Variants in PKNOX1 observed in about 807,000 individuals in gnomAD.
The protein encoded by PKNOX1 is homeobox protein PKNOX1.
PKNOX1 carries 15 observed loss-of-function variants against 51.9 expected under a neutral mutation model. The ratio of observed to expected loss-of-function variants is 0.29; its 90% CI spans 0.19 to 0.45. PKNOX1 has a LOEUF of 0.45. Ranked by LOEUF, PKNOX1 falls within the 20% of genes least tolerant of loss-of-function variation. The pLI, the probability that PKNOX1 is intolerant of heterozygous loss-of-function variation, is 1.00. For synonymous variants in PKNOX1, 219 were observed against 211.1 expected (o/e 1.04, Z -0.32); for missense variants, 462 against 547.5 (o/e 0.84, Z 1.56).
chr21:43,023,583 T>C (rs779504669), intron 8 of PKNOX1, among the ~76,000 whole-genome samples: 1 of 152,204 alleles, frequency 6.6e-6, no homozygotes, highest in South Asian at 2.1e-4. Context: ...CTAGAAATCA[T>C]TTTCGGTTGG....
At position 43,032,980 on chromosome 21, in the gene PKNOX1, A is replaced by AC. The variant is rs111813527; in HGVS notation, c.*2884dup. ...AGTGGAGAGAATCTGTAAAAGTGTG[A>AC]CCCCCTCTAAGATTTCGTTTTAAAT... On this transcript the variant is annotated 3_prime_UTR_variant, in exon 11 of 11. Coordinates refer to ENST00000291547, the MANE Select transcript of PKNOX1 (RefSeq NM_004571.5). 79 of 152,006 alleles carry AC rather than the reference A, an allele frequency of 5.2e-4. No homozygotes were observed. Among genetic ancestry groups the AC allele is most frequent in the African/African-American group, 1.8e-3 (75 of 41,460 alleles). 9.4% of individuals were successfully genotyped at this position (152,006 alleles called of 1,614,324 possible).
intron 1 of PKNOX1, 25 bp downstream of exon 1, chr21:42,974,689 C>CCGCCGCCGCCGCCGCTCT (rs1243655862): frequency 2.4e-5 from 4 of 166,208 alleles, no homozygotes; most frequent in African/African-American, 4.8e-5. Context: ...AACCGCTCCG[C>CCGCCGCCGCCGCCGCTCT]CGCCGCCGCC....
At chr21:42,987,301 G>C (rs1328587530) in intron 1 of PKNOX1, among the ~76,000 whole-genome samples, 2 of 145,276 alleles carry the variant, frequency 1.4e-5, no homozygotes, top group Admixed American at 7.1e-5. Flanking sequence ...AGAATCGCTT[G>C]AACCTGGGAG....
Position 43,010,081 on chromosome 21 carries a change from T to C in PKNOX1, c.208T>C (p.Leu70=), listed in dbSNP as rs201874498. 1.5e-5 allele frequency: 24 copies of C among 1,572,358 alleles called. No homozygotes were observed. The South Asian group carries it at 2.3e-4, about 15-fold the overall frequency. Residue 70 remains leucine (L), a synonymous_variant, in exon 4 of 11, where the codon TTG becomes CTG. Transcript: ENST00000291547. ...TCCACTATTTCCATTATTAGCTTTG[T>C]TGTTTGAAAAATGTGAACAATCTAC... ...RHPLFPLLAL[L]FEKCEQSTQG...
chr21:42,997,809 A>C (rs993054017), intron 1 of PKNOX1, among the ~76,000 whole-genome samples: 2 of 152,220 alleles, frequency 1.3e-5, no homozygotes, highest in Admixed American at 6.5e-5. Flanking sequence ...GGGCAGAACT[A>C]TCAGGCTGGG....
At position 43,007,587 on chromosome 21, in the gene PKNOX1, C is replaced by G; in HGVS notation, c.148C>G (p.Pro50Ala). The G allele has an allele frequency of 1.2e-6, 2 of 1,614,116 alleles. No homozygotes were observed. The highest frequency in any genetic ancestry group is 1.3e-5 in the African/African-American group (1 of 75,022). ...CCCTCCCCCTGTGGAGTCTCAGACC[C>G]CGATGGATGTGGACAAGCAGGCCAT... ...VSPPPVESQT[P>A]MDVDKQAIYR... The change falls in exon 3 of 11, where the codon CCG (proline) becomes GCG (alanine). Residue 50 changes from proline to alanine, a missense_variant. Physicochemically the swap from Pro to Ala is conservative, Grantham distance 27. Transcript: ENST00000291547.
chr21:42,983,959 T>C (rs1017950192), intron 1 of PKNOX1, among the ~76,000 whole-genome samples: 1 of 152,198 alleles, frequency 6.6e-6, no homozygotes, highest in African/African-American at 2.4e-5. Context: ...TAATAATTAG[T>C]GATGTGGAGC....
At chr21:43,004,237 CA>C (rs900704157) in intron 1 of PKNOX1, 88 bp from the exon 2 acceptor site, 24,045 of 455,338 alleles carry the variant, frequency 0.053, no homozygotes, top group South Asian at 0.078. Context: ...AACTCGGTCT[CA>C]AAAAAAAAAA....
At chr21:42,992,902 ACAGCACTGGGGGGCTTCCT>A (rs1312149419) in intron 1 of PKNOX1, among the ~76,000 whole-genome samples, 1 of 132,536 alleles carries the variant, frequency 7.5e-6, no homozygotes, top group Non-Finnish European at 1.6e-5. Flanking sequence ...GAGCTTCCTC[ACAGCACTGGGGGGCTTCCT>A]CAGCACTGGG....
At position 43,029,424 on chromosome 21, in the gene PKNOX1, G is replaced by GTTTTTTTTTTT. The variant is rs138486584; in HGVS notation, c.1100-455_1100-445dup. On this transcript the variant is annotated intron_variant, in intron 10 of 10. Coordinates refer to ENST00000291547, the MANE Select transcript of PKNOX1 (RefSeq NM_004571.5). ...TTATTTTTTTTTATTTGTTTGCTTT[G>GTTTTTTTTTTT]TTTTTTTTTTTTTTTTTTTTTGAGA... 3.6e-3 allele frequency among the ~76,000 whole-genome samples: 225 copies of GTTTTTTTTTTT among 63,276 alleles called. 18 individuals carry two copies. The highest frequency in any genetic ancestry group is 7.8e-3 in the African/African-American group (120 of 15,302). The allele number at this position is 63,276 out of a possible 152,430, so 41.5% of individuals were successfully genotyped here.
Position 43,021,480 on chromosome 21 carries a change from G to C in PKNOX1, c.849+49G>C. The C allele has an allele frequency of 1.3e-6, 2 of 1,535,190 alleles. No individual in the cohort carries two copies. The highest frequency in any genetic ancestry group is 1.8e-6 in the Non-Finnish European group (2 of 1,137,890). ...TGCCTTGCAGCCCTCTGCGACGCTTGCTCTCTGGCTTATGTGTCATGGAAA... is the reference window on the plus strand; with the variant it reads ...TGCCTTGCAGCCCTCTGCGACGCTTCCTCTCTGGCTTATGTGTCATGGAAA... On this transcript the variant is annotated intron_variant, in intron 8 of 10. Transcript: ENST00000291547. The surrounding 1 kb of genome is among the most constrained non-coding windows in gnomAD (Gnocchi z 4.6).
At chr21:43,000,435 G>T (rs1159230350) in intron 1 of PKNOX1, among the ~76,000 whole-genome samples, 3 of 152,216 alleles carry the variant, frequency 2.0e-5, no homozygotes, top group Admixed American at 2.0e-4. Flanking sequence ...AGCAGGCAAA[G>T]AGAGGAGAGC....
At chr21:43,029,496 C>G (rs1282393388) in intron 10 of PKNOX1, among the ~76,000 whole-genome samples, 1 of 143,086 alleles carries the variant, frequency 7.0e-6, no homozygotes, top group African/African-American at 2.6e-5. Flanking sequence ...GGCGCAATCT[C>G]GGCTCACTGA....
chr21:43,011,370 C>T (rs980761050), intron 4 of PKNOX1, among the ~76,000 whole-genome samples: 2 of 152,162 alleles, frequency 1.3e-5, no homozygotes, highest in African/African-American at 4.8e-5. Flanking sequence ...CGCCCGGCGA[C>T]AGCTCTGTCT....
At position 43,030,251 on chromosome 21, in the gene PKNOX1, C is replaced by A. The variant is rs1254988064; in HGVS notation, c.*150C>A. 1 of 606,278 alleles carries A rather than the reference C, an allele frequency of 1.6e-6. No individual in the cohort carries two copies. Among genetic ancestry groups the A allele is most frequent in the East Asian group, 2.9e-5 (1 of 34,510 alleles). The allele number at this position is 606,278 out of a possible 1,614,324, so 37.6% of individuals were successfully genotyped here. Reference sequence around the variant, plus strand: ...AAGCGCGTCTTTGCCGGTGCAGCGACTTCTTTCAAGTGTGTGTGTGTGTGT... The same window carrying A: ...AAGCGCGTCTTTGCCGGTGCAGCGAATTCTTTCAAGTGTGTGTGTGTGTGT... On this transcript the variant is annotated 3_prime_UTR_variant, in exon 11 of 11. Coordinates refer to ENST00000291547, the MANE Select transcript of PKNOX1 (RefSeq NM_004571.5).
chr21:43,004,569 TTCGTGTTC>T, intron 2 of PKNOX1, 137 bp downstream of exon 2: 3 of 579,714 alleles, frequency 5.2e-6, no homozygotes, highest in African/African-American at 3.7e-5. Flanking sequence ...TTATTGTACA[TTCGTGTTC>T]AGAAAAAAAG....
chr21:43,028,862 A>T lies in PKNOX1; in HGVS notation c.1087A>T (p.Thr363Ser), dbSNP rs775563001. The part of the protein sequence containing the change: ...GVAQPPPSEL[T>S]MSEGAVVTIT... The stretch of plus-strand genomic sequence containing the variant: ...CGCACAGCCACCGCCGAGCGAGCTC[A>T]CCATGTCGGAAGGTACAGGTGGCCG... The change falls in exon 10 of 11, where the codon ACC (threonine) becomes TCC (serine). Residue 363 changes from threonine (T) to serine (S), a missense_variant. Thr to Ser is a moderately conservative substitution (Grantham distance 58). Around this residue, in one of 5 missense-constraint regions of PKNOX1, gnomAD observed 118 missense variants for 116.8 expected, o/e 1.01. Coordinates refer to ENST00000291547, the MANE Select transcript of PKNOX1 (RefSeq NM_004571.5). 1.2e-6 allele frequency: 2 copies of T among 1,614,016 alleles called. No individual in the cohort carries two copies. Among genetic ancestry groups the T allele is most frequent in the Non-Finnish European group, 1.7e-6 (2 of 1,179,996 alleles).
chr21:43,001,512 C>T (rs959626497), intron 1 of PKNOX1, among the ~76,000 whole-genome samples: 1 of 152,204 alleles, frequency 6.6e-6, no homozygotes, highest in Non-Finnish European at 1.5e-5. Flanking sequence ...GCTTTGGGGG[C>T]ACCACCTGGT....
intron 1 of PKNOX1, among the ~76,000 whole-genome samples, chr21:42,990,299 C>T (rs1672121): frequency 0.89 from 136,109 of 152,130 alleles, 61,019 homozygotes; most frequent in Non-Finnish European, 0.91. Context: ...TAACGATCCA[C>T]TGTGGCTTCC....
Sources: allele counts gnomAD v4.1 joint callset (sites outside exome capture counted in the v4.1 genomes callset), GRCh38; gene constraint gnomAD v4.1.1; regional missense constraint gnomAD v4.1.1; non-coding constraint Gnocchi (gnomAD v3.1); transcripts MANE v1.5; gene names NCBI Gene and HGNC (gene_info 2026-07-23, HGNC 2026-07-21).